Variants in CACNB4 observed in about 807,000 individuals in gnomAD.
CACNB4 encodes voltage-dependent L-type calcium channel subunit beta-4.
A neutral mutation model predicts 71.2 loss-of-function variants in CACNB4; 32 were observed. That is an observed-to-expected ratio of 0.45 (90% CI 0.34 to 0.60). The LOEUF is 0.60. Ranked by LOEUF, CACNB4 falls within the 20% of genes least tolerant of loss-of-function variation. The pLI, the probability that CACNB4 is intolerant of heterozygous loss-of-function variation, is 0.01. For missense variants in CACNB4, 464 were observed against 647.9 expected (o/e 0.72, Z 3.08); for synonymous variants, 231 against 236.9 (o/e 0.97, Z 0.23).
intron 2 of CACNB4, chr2:151,884,236 G>T (rs2099848716): frequency 6.6e-6 from 1 of 150,660 alleles, no homozygotes; most frequent in African/African-American, 2.4e-5. Flanking sequence ...GGAGGCAGAG[G>T]TTGCAGTGAG....
chr2:151,844,992 G>C (rs2099837167), intron 12 of CACNB4, among the ~76,000 whole-genome samples: 2 of 152,144 alleles, frequency 1.3e-5, no homozygotes, highest in African/African-American at 4.8e-5. Flanking sequence ...GGATACCTAG[G>C]CCGGATGGGT....
intron 2 of CACNB4, among the ~76,000 whole-genome samples, chr2:152,035,111 G>A (rs1013092708): frequency 3.9e-5 from 6 of 152,178 alleles, no homozygotes; most frequent in African/African-American, 1.2e-4. Flanking sequence ...GGAAAGTGAC[G>A]TTCAGTGAGA....
chr2:151,990,982 T>G (rs1681675032), intron 2 of CACNB4, among the ~76,000 whole-genome samples: 1 of 152,182 alleles, frequency 6.6e-6, no homozygotes, highest in African/African-American at 2.4e-5. Flanking sequence ...AGGAACAAAT[T>G]TGCAGTGTGT....
chr2:152,004,532 T>TAC lies in CACNB4; in HGVS notation c.147+93796_147+93797dup, dbSNP rs5835400. 7.2e-4 allele frequency among the ~76,000 whole-genome samples: 108 copies of TAC among 149,414 alleles called. 1 individual carries two copies. Among genetic ancestry groups the TAC allele is most frequent in the African/African-American group, 2.6e-3 (104 of 40,524 alleles). On this transcript the variant is annotated intron_variant, in intron 2 of 13. Transcript: ENST00000539935. Reference sequence around the variant, plus strand: ...CCGTGTCCCCCCTACTTTACATACATACACACACACACACACACACACACA... The same window carrying TAC: ...CCGTGTCCCCCCTACTTTACATACATACACACACACACACACACACACACACA...
intron 2 of CACNB4, among the ~76,000 whole-genome samples, chr2:152,074,337 C>G (rs1274800733): frequency 1.3e-5 from 2 of 151,892 alleles, no homozygotes; most frequent in African/African-American, 4.8e-5. Flanking sequence ...ACCCTCACCA[C>G]TACCATCATG....
At position 151,946,673 on chromosome 2, in the gene CACNB4, C is replaced by T. The variant is rs150961785; in HGVS notation, c.148-63303G>A. Among the ~76,000 whole-genome samples, 1,439 of 152,270 alleles carry T rather than the reference C, an allele frequency of 9.5e-3. 18 individuals are homozygous for T. The highest frequency in any genetic ancestry group is 0.033 in the African/African-American group (1,358 of 41,552). ...AGAGCTTCAGGGTGTGTCCTGAGCA[C>T]CCCAGGGCTCCAGCAGGGCACAAGG... is the stretch of plus-strand genomic sequence containing the variant. On this transcript the variant is annotated intron_variant, in intron 2 of 13. Coordinates refer to ENST00000539935, the MANE Select transcript of CACNB4 (RefSeq NM_000726.5).
At chr2:152,060,143 G>GACT (rs1285585957) in intron 2 of CACNB4, among the ~76,000 whole-genome samples, 1 of 152,118 alleles carries the variant, frequency 6.6e-6, no homozygotes, top group African/African-American at 2.4e-5. Context: ...TGTGAAAATG[G>GACT]ACTAATACAA....
chr2:151,921,238 C>T (rs1210187786), intron 2 of CACNB4, among the ~76,000 whole-genome samples: 1 of 150,808 alleles, frequency 6.6e-6, no homozygotes, highest in Non-Finnish European at 1.5e-5. Context: ...GCTTCACAAA[C>T]ATTATCCCAT....
intron 2 of CACNB4, among the ~76,000 whole-genome samples, chr2:152,014,955 G>C (rs1018534431): frequency 6.6e-6 from 1 of 152,124 alleles, no homozygotes; most frequent in Admixed American, 6.5e-5. Context: ...AAGGCAAGGC[G>C]CTGTAAACCA....
rs946400014 is a variant in CACNB4 at position 151,857,255 on chromosome 2, T to C, written c.869-1880A>G. On this transcript the variant is annotated intron_variant, in intron 10 of 13. Transcript: ENST00000539935. Reference sequence around the variant, plus strand: ...GATTGCATAAAATTCTTATTTCCCATAGAATCACTGAAGTTTAAGGCATGA... The same window carrying C: ...GATTGCATAAAATTCTTATTTCCCACAGAATCACTGAAGTTTAAGGCATGA... The C allele has an allele frequency of 7.2e-5, 11 of 152,294 alleles. No individual in the cohort carries two copies. In the South Asian group the frequency reaches 1.0e-3, roughly 14 times the overall value. The allele number at this position is 152,294 out of a possible 1,614,324, so 9.4% of individuals were successfully genotyped here.
At chr2:152,096,498 T>A (rs1046810241) in intron 2 of CACNB4, among the ~76,000 whole-genome samples, 3 of 151,958 alleles carry the variant, frequency 2.0e-5, no homozygotes, top group African/African-American at 7.3e-5. Context: ...AAGAAAAAAA[T>A]TAAGTACTAT....
At chr2:151,920,512 T>A (rs1008695129) in intron 2 of CACNB4, among the ~76,000 whole-genome samples, 1 of 151,856 alleles carries the variant, frequency 6.6e-6, no homozygotes, top group African/African-American at 2.4e-5. Context: ...ATTTATTTAT[T>A]TATTTGTAGA....
intron 2 of CACNB4, among the ~76,000 whole-genome samples, chr2:151,903,640 C>T (rs2099854033): frequency 6.6e-6 from 1 of 152,196 alleles, no homozygotes. Flanking sequence ...CCCACATGCT[C>T]TGGCCAATAA....
At chr2:152,016,997 A>ATCCCAGCACTTTGGGAGGCTGAG (rs1560134879) in intron 2 of CACNB4, among the ~76,000 whole-genome samples, 63 of 139,924 alleles carry the variant, frequency 4.5e-4, no homozygotes, top group African/African-American at 2.0e-3. Flanking sequence ...TAGAACTGCA[A>ATCCCAGCACTTTGGGAGGCTGAG]GTTTAACCCA....
chr2:151,974,832 A>G (rs2099873490), intron 2 of CACNB4, among the ~76,000 whole-genome samples: 1 of 141,282 alleles, frequency 7.1e-6, no homozygotes, highest in African/African-American at 2.5e-5. Context: ...AAAAAAAAAA[A>G]AAGCTGCAGC....
At chr2:151,989,158 T>C (rs568062213) in intron 2 of CACNB4, among the ~76,000 whole-genome samples, 1 of 152,350 alleles carries the variant, frequency 6.6e-6, no homozygotes, top group South Asian at 2.1e-4. Context: ...TGGTTCCATA[T>C]GCTCTCTTGA....
chr2:152,039,022 A>G (rs1684741295), intron 2 of CACNB4, among the ~76,000 whole-genome samples: 1 of 152,222 alleles, frequency 6.6e-6, no homozygotes, highest in Non-Finnish European at 1.5e-5. Context: ...ATATAGGGAT[A>G]ATTAAACAGC....
At chr2:152,054,352 C>A (rs1262759649) in intron 2 of CACNB4, among the ~76,000 whole-genome samples, 8 of 55,014 alleles carry the variant, frequency 1.5e-4, no homozygotes, top group Admixed American at 1.1e-3. Flanking sequence ...GGCGACAAAG[C>A]AAAACTCCGT....
In CACNB4 at chr2:151,838,177, TA is replaced by T. The variant is rs2151310870; in HGVS notation, c.*941del. On this transcript the variant is annotated 3_prime_UTR_variant, in exon 14 of 14. Transcript: ENST00000539935. Reference sequence around the variant, plus strand: ...TTAGCATTGCACTCGGGAGGATTGGTACCACATCCTTACTATCTGACTTCAG... The same window carrying T: ...TTAGCATTGCACTCGGGAGGATTGGTCCACATCCTTACTATCTGACTTCAG... 1 of 152,738 alleles carries T rather than the reference TA, an allele frequency of 6.5e-6. No individual in the cohort carries two copies. The highest frequency in any genetic ancestry group is 6.5e-5 in the Admixed American group (1 of 15,288). 9.5% of individuals were successfully genotyped at this position (152,738 alleles called of 1,614,324 possible).
Sources: allele counts gnomAD v4.1 joint callset (sites outside exome capture counted in the v4.1 genomes callset), GRCh38; gene constraint gnomAD v4.1.1; transcripts MANE v1.5; gene names NCBI Gene and HGNC (gene_info 2026-07-23, HGNC 2026-07-21).